The following DSP variants were observed in gnomAD, a reference collection of about 807,000 sequenced individuals.
DSP encodes the protein desmoplakin.
In DSP, 114 loss-of-function variants were observed where a neutral mutation model predicts 290.6. That is an observed-to-expected ratio of 0.39 (90% CI 0.34 to 0.46). The LOEUF (loss-of-function observed/expected upper bound fraction) is 0.46. Among genes scored for constraint, DSP ranks in the 20% least tolerant of loss-of-function variants. The probability of loss-of-function intolerance (pLI) is 0.99; values close to 1 mark genes in which losing one functional copy is unlikely to be tolerated. For synonymous variants in DSP, 1,311 were observed against 1,316.4 expected (o/e 1.00, Z 0.09); for missense variants, 3,230 against 3,495.8 (o/e 0.92, Z 1.92).
intron 15 of DSP, among the ~76,000 whole-genome samples, chr6:7,573,375 A>G (rs1012695453): frequency 9.9e-5 from 15 of 152,210 alleles, no homozygotes; most frequent in Admixed American, 5.9e-4. Context: ...TCAGGAGTTC[A>G]AGACCAGCAT....
rs1206993146 is a variant in DSP at position 7,566,486 on chromosome 6, G to A, written c.1044+5G>A. 1 of 1,610,944 alleles carries A rather than the reference G, an allele frequency of 6.2e-7. No homozygotes were observed. Among genetic ancestry groups the A allele is most frequent in the South Asian group, 1.1e-5 (1 of 90,924 alleles). ...CCAGCTTCAGACAAAATTGAGGTAG[G>A]CTTCATGAGGTTTATATTTTTGTTA... On this transcript the variant is annotated splice_donor_5th_base_variant and intron_variant, in intron 8 of 23. Transcript: ENST00000379802.
At chr6:7,576,021 T>C (rs1362916914) in intron 18 of DSP, among the ~76,000 whole-genome samples, 1 of 152,226 alleles carries the variant, frequency 6.6e-6, no homozygotes, top group East Asian at 1.9e-4. Flanking sequence ...CAGTACATCA[T>C]TTTCTATTTT....
At chr6:7,563,919 T>C in intron 6 of DSP, 133 bp downstream of exon 6, 2 of 822,712 alleles carry the variant, frequency 2.4e-6, no homozygotes, top group African/African-American at 3.4e-5. Context: ...CTGCTGAGTT[T>C]CCTTTAGAAG....
At chr6:7,562,485 A>G (rs1184014866) in intron 4 of DSP, 167 bp from the exon 5 acceptor site, 1 of 1,178,346 alleles carries the variant, frequency 8.5e-7, no homozygotes, top group African/African-American at 1.5e-5. Context: ...GTATTTGGCA[A>G]CCCTGCATTA....
chr6:7,573,056 T>G (rs532265586), intron 15 of DSP, among the ~76,000 whole-genome samples: 1 of 152,116 alleles, frequency 6.6e-6, no homozygotes, highest in Admixed American at 6.5e-5. Flanking sequence ...TGCAGGGAGC[T>G]ATGATTGTAC....
At chr6:7,549,219 G>A (rs958991393) in intron 1 of DSP, among the ~76,000 whole-genome samples, 10 of 151,954 alleles carry the variant, frequency 6.6e-5, no homozygotes, top group Middle Eastern at 6.8e-3. Flanking sequence ...GCGCGATCTC[G>A]GCTCACTGCA....
Position 7,541,835 on chromosome 6 carries a change from C to T in DSP, c.-81C>T. On this transcript the variant is annotated 5_prime_UTR_variant, in exon 1 of 24. Transcript: ENST00000379802. Reference sequence around the variant, plus strand: ...CCGGTTCCCCGGCCGTCCGCCTATCCTTGGCCCCCTCCGCTTTCTCCGCGC... The same window carrying T: ...CCGGTTCCCCGGCCGTCCGCCTATCTTTGGCCCCCTCCGCTTTCTCCGCGC... 3 of 1,503,446 alleles carry T rather than the reference C, an allele frequency of 2.0e-6. No individual in the cohort carries two copies. The highest frequency in any genetic ancestry group is 8.9e-7 in the Non-Finnish European group (1 of 1,122,730). The allele number at this position is 1,503,446 out of a possible 1,614,324, so 93.1% of individuals were successfully genotyped here.
intron 6 of DSP, 87 bp downstream of exon 6, chr6:7,563,873 G>C (rs945068971): frequency 1.7e-6 from 2 of 1,196,598 alleles, no homozygotes; most frequent in African/African-American, 3.0e-5. Context: ...ATCCTGGCGG[G>C]GAGGCACCTG....
chr6:7,574,159 G>T lies in DSP; in HGVS notation c.2204G>T (p.Gly735Val), dbSNP rs1759154089. 6.2e-7 allele frequency: 1 copy of T among 1,614,062 alleles called. No individual in the cohort carries two copies. Among genetic ancestry groups the T allele is most frequent in the Non-Finnish European group, 8.5e-7 (1 of 1,179,940 alleles). The change falls in exon 16 of 24, where the codon GGT (glycine) becomes GTT (valine). Residue 735 changes from glycine to valine, a missense_variant. Gly to Val is a moderately radical substitution (Grantham distance 109). This residue lies in a region of DSP where 1,714 missense variants were observed against 1,844.5 expected (regional missense o/e 0.93). Transcript: ENST00000379802. ...QLKDMLANFR[G>V]SEKYCYLQNE... ...AAAGATATGCTTGCCAACTTCAGAGGTTCTGAAAAGTACTGCTATTTACAG... is the reference window on the plus strand; with the variant it reads ...AAAGATATGCTTGCCAACTTCAGAGTTTCTGAAAAGTACTGCTATTTACAG...
intron 23 of DSP, 134 bp downstream of exon 23, chr6:7,581,703 T>A: frequency 8.0e-7 from 1 of 1,243,950 alleles, no homozygotes; most frequent in Non-Finnish European, 1.1e-6. Context: ...ATTGCTCTAC[T>A]ACTTCCTGTC....
rs1759434677 is a variant in DSP, at chr6:7,581,364, G to A, written c.5174G>A (p.Arg1725Gln). 14 of 1,614,096 alleles carry A rather than the reference G, an allele frequency of 8.7e-6. No homozygotes were observed. Among genetic ancestry groups the A allele is most frequent in the South Asian group, 4.4e-5 (4 of 91,082 alleles). Residue 1725 changes from arginine (R) to glutamine (Q), a missense_variant, in exon 23 of 24, where the codon CGG becomes CAG. Arg to Gln is a conservative substitution (Grantham distance 43). Around this residue, in one of 5 missense-constraint regions of DSP, gnomAD observed 1,714 missense variants for 1,844.5 expected, o/e 0.93. Transcript: ENST00000379802. ...CACTTGATGTTAGAAGAAGAACTGC[G>A]GAACCTGAGGCTGGAGTACGATGAC... ...KEHLMLEEELRNLRLEYDDLR... is the reference protein window; with the variant it reads ...KEHLMLEEELQNLRLEYDDLR...
At chr6:7,578,720 A>G (rs1234712435) in intron 22 of DSP, among the ~76,000 whole-genome samples, 158 bp downstream of exon 22, 1 of 152,240 alleles carries the variant, frequency 6.6e-6, no homozygotes, top group Non-Finnish European at 1.5e-5. Flanking sequence ...GTCTGGGGTT[A>G]CTTCCATGCT....
At chr6:7,552,386 T>G (rs1758365958) in intron 1 of DSP, among the ~76,000 whole-genome samples, 1 of 140,986 alleles carries the variant, frequency 7.1e-6, no homozygotes, top group African/African-American at 2.7e-5. Context: ...TGAAACCCCA[T>G]CTCTATTAAA....
In DSP at chr6:7,582,916, G is replaced by A. The variant is rs1458503000; in HGVS notation, c.5654G>A (p.Arg1885Lys). 1 of 1,614,070 alleles carries A rather than the reference G, an allele frequency of 6.2e-7. No individual in the cohort carries two copies. The highest frequency in any genetic ancestry group is 1.1e-5 in the South Asian group (1 of 91,078). ...GCTATTAGGAAGATAGAATCGGAAA[G>A]AGAAAAGAGTGAGAGAGAGAAGAAC... is the stretch of plus-strand genomic sequence containing the variant. ...EEAIRKIESE[R>K]EKSEREKNSL... The change falls in exon 24 of 24, where the codon AGA (arginine) becomes AAA (lysine). Residue 1885 changes from arginine (R) to lysine (K), a missense_variant. Coordinates refer to ENST00000379802, the MANE Select transcript of DSP (RefSeq NM_004415.4). The surrounding 1 kb of genome is among the most constrained non-coding windows in gnomAD (Gnocchi z 4.2).
chr6:7,546,411 C>T (rs1233986557), intron 1 of DSP, among the ~76,000 whole-genome samples: 2 of 152,166 alleles, frequency 1.3e-5, no homozygotes, highest in East Asian at 1.9e-4. Context: ...AATATCAGGT[C>T]TGTGGTTAAT....
rs751379396 is a variant in DSP, at chr6:7,582,851, C to T, written c.5589C>T (p.Asp1863=). The part of the protein sequence containing the change: ...LECEKQQIQN[D]LNQWKTQYSR... Reference sequence around the variant, plus strand: ...GTGAGAAACAGCAAATTCAGAATGACCTGAATCAGTGGAAGACTCAATATT... The same window carrying T: ...GTGAGAAACAGCAAATTCAGAATGATCTGAATCAGTGGAAGACTCAATATT... Residue 1863 remains aspartate, a synonymous_variant, in exon 24 of 24, where the codon GAC becomes GAT. Coordinates refer to ENST00000379802, the MANE Select transcript of DSP (RefSeq NM_004415.4). This position sits in a 1 kb window ranked among gnomAD's most constrained non-coding sequence, Gnocchi z 4.2. 24 of 1,613,920 alleles carry T rather than the reference C, an allele frequency of 1.5e-5. No homozygotes were observed. Among genetic ancestry groups the T allele is most frequent in the Non-Finnish European group, 2.0e-5 (24 of 1,180,008 alleles).
intron 1 of DSP, among the ~76,000 whole-genome samples, chr6:7,553,298 G>A (rs548918728): frequency 5.9e-5 from 9 of 152,184 alleles, no homozygotes; most frequent in Non-Finnish European, 8.8e-5. Flanking sequence ...TTTTACAGTG[G>A]CACACATTAT....
At chr6:7,555,926 T>C (rs1162869156) in intron 2 of DSP, 106 bp downstream of exon 2, 12 of 952,888 alleles carry the variant, frequency 1.3e-5, no homozygotes, top group Non-Finnish European at 1.6e-5. Flanking sequence ...CTCTTTCACG[T>C]AGTGTTTAGA....
At chr6:7,571,289 C>T (rs1025876146) in intron 13 of DSP, 94 bp from the exon 14 acceptor site, 1 of 1,193,918 alleles carries the variant, frequency 8.4e-7, no homozygotes, top group African/African-American at 1.5e-5. Flanking sequence ...TGCTTTGAGT[C>T]CCATCTAGTG....
Sources: allele counts gnomAD v4.1 joint callset (sites outside exome capture counted in the v4.1 genomes callset), GRCh38; gene constraint gnomAD v4.1.1; regional missense constraint gnomAD v4.1.1; non-coding constraint Gnocchi (gnomAD v3.1); transcripts MANE v1.5; gene names NCBI Gene and HGNC (gene_info 2026-07-23, HGNC 2026-07-21).